DLGAP1: variants seen among roughly 807,000 people sequenced by gnomAD.
DLGAP1 encodes disks large-associated protein 1.
A neutral mutation model predicts 90.8 loss-of-function variants in DLGAP1; 11 were observed. The ratio of observed to expected loss-of-function variants is 0.12; its 90% CI spans 0.08 to 0.20. The LOEUF (loss-of-function observed/expected upper bound fraction) is 0.20, where lower values mean the gene tolerates loss of function less well. Among genes scored for constraint, DLGAP1 ranks in the 10% least tolerant of loss-of-function variants. The pLI is 1.00. For missense variants in DLGAP1, 1,050 were observed against 1,333.8 expected (o/e 0.79, Z 3.31); for synonymous variants, 558 against 540.7 (o/e 1.03, Z -0.44).
intron 10 of DLGAP1, among the ~76,000 whole-genome samples, chr18:3,528,564 A>T (rs1007812699): frequency 7.9e-5 from 12 of 152,310 alleles, no homozygotes; most frequent in African/African-American, 2.6e-4. Flanking sequence ...GTTTTCTGTG[A>T]CCTTGGACAA....
chr18:4,265,816 TAGCTGGGACCAC>T, intron 1 of DLGAP1, among the ~76,000 whole-genome samples: 1 of 151,708 alleles, frequency 6.6e-6, no homozygotes, highest in African/African-American at 2.4e-5. Flanking sequence ...GCCTTCTCAG[TAGCTGGGACCAC>T]AGGTGTGTGC....
At chr18:4,372,915 G>A (rs1035372964) in intron 1 of DLGAP1, among the ~76,000 whole-genome samples, 7 of 150,774 alleles carry the variant, frequency 4.6e-5, no homozygotes, top group Non-Finnish European at 8.9e-5. Flanking sequence ...GCCACAGAGC[G>A]AGACTCCATC....
intron 2 of DLGAP1, among the ~76,000 whole-genome samples, chr18:4,147,739 T>C (rs115370402): frequency 0.02 from 3,019 of 152,242 alleles, 50 homozygotes; most frequent in Middle Eastern, 0.048. Flanking sequence ...ATTAAGATGG[T>C]AACTGACCAG....
intron 3 of DLGAP1, among the ~76,000 whole-genome samples, chr18:3,932,175 C>T (rs968322168): frequency 2.0e-5 from 3 of 152,158 alleles, no homozygotes; most frequent in African/African-American, 7.2e-5. Context: ...ATGTCAATAT[C>T]CATTTGGGAA....
At chr18:4,058,066 G>C (rs1053177222) in intron 2 of DLGAP1, among the ~76,000 whole-genome samples, 3 of 152,160 alleles carry the variant, frequency 2.0e-5, no homozygotes, top group Non-Finnish European at 2.9e-5. Flanking sequence ...AGGCTTATGA[G>C]AGTAGTAGGG....
chr18:3,812,131 T>C (rs1414514914), intron 5 of DLGAP1, among the ~76,000 whole-genome samples: 3 of 152,206 alleles, frequency 2.0e-5, no homozygotes, highest in Non-Finnish European at 4.4e-5. Flanking sequence ...AATCCTTTTC[T>C]TGCATCTTCT....
At chr18:4,387,674 A>G (rs2082257607) in intron 1 of DLGAP1, among the ~76,000 whole-genome samples, 1 of 152,156 alleles carries the variant, frequency 6.6e-6, no homozygotes, top group Non-Finnish European at 1.5e-5. Flanking sequence ...AAGTTAAGTA[A>G]AGAAAGGCAC....
chr18:4,375,709 A>G (rs2082000896), intron 1 of DLGAP1, among the ~76,000 whole-genome samples: 1 of 152,182 alleles, frequency 6.6e-6, no homozygotes, highest in South Asian at 2.1e-4. Context: ...TGTACACACT[A>G]TGGCAGGGCT....
At chr18:3,656,388 G>A (rs1237525863) in intron 7 of DLGAP1, 5 of 411,600 alleles carry the variant, frequency 1.2e-5, no homozygotes, top group South Asian at 3.8e-5. Flanking sequence ...GGCCAAGTCT[G>A]CCTGAGTGAC....
chr18:3,741,023 CCACCACCACCACCATCACCT>C (rs2062912703), intron 6 of DLGAP1, among the ~76,000 whole-genome samples: 3 of 121,688 alleles, frequency 2.5e-5, no homozygotes, highest in South Asian at 2.9e-4. Flanking sequence ...ACCATCACCA[CCACCACCACCACCATCACCT>C]CACCACCACC....
intron 3 of DLGAP1, among the ~76,000 whole-genome samples, chr18:3,906,192 C>T (rs187144804): frequency 9.7e-4 from 147 of 152,260 alleles, no homozygotes; most frequent in Non-Finnish European, 1.7e-3. Flanking sequence ...AACTACATCT[C>T]GGAAGTTTAG....
chr18:4,128,064 A>G (rs2076256752), intron 2 of DLGAP1, among the ~76,000 whole-genome samples: 2 of 152,204 alleles, frequency 1.3e-5, no homozygotes, highest in African/African-American at 4.8e-5. Flanking sequence ...CAATAACAGC[A>G]CTAAGTTCAG....
At chr18:4,161,389 C>A (rs997826129) in intron 1 of DLGAP1, among the ~76,000 whole-genome samples, 4 of 152,116 alleles carry the variant, frequency 2.6e-5, no homozygotes, top group African/African-American at 9.7e-5. Flanking sequence ...TAATGCCTTC[C>A]AGCTCTATCC....
chr18:4,317,673 T>C (rs2080567171), intron 1 of DLGAP1, among the ~76,000 whole-genome samples: 1 of 152,206 alleles, frequency 6.6e-6, no homozygotes, highest in South Asian at 2.1e-4. Flanking sequence ...GTATCTCTTT[T>C]GTTTTCCTCT....
At chr18:3,501,073 C>G (rs1448074236) in intron 12 of DLGAP1, among the ~76,000 whole-genome samples, 2 of 151,978 alleles carry the variant, frequency 1.3e-5, no homozygotes, top group Non-Finnish European at 1.5e-5. Flanking sequence ...TACCACCACG[C>G]CCAGCTAATT....
chr18:4,115,730 C>T (rs1188490401), intron 2 of DLGAP1, among the ~76,000 whole-genome samples: 1 of 152,176 alleles, frequency 6.6e-6, no homozygotes, highest in Non-Finnish European at 1.5e-5. Flanking sequence ...TCCCAAAGTG[C>T]TGGGATTACA....
At chr18:4,396,009 A>T (rs181300030) in intron 1 of DLGAP1, among the ~76,000 whole-genome samples, 1 of 152,304 alleles carries the variant, frequency 6.6e-6, no homozygotes, top group Admixed American at 6.5e-5. Flanking sequence ...GAATACAAAC[A>T]TATGAAGGAG....
At chr18:4,204,800 C>T (rs553222615) in intron 1 of DLGAP1, among the ~76,000 whole-genome samples, 130 of 152,038 alleles carry the variant, frequency 8.6e-4, no homozygotes, top group African/African-American at 3.0e-3. Context: ...AAAGTCAATT[C>T]CTTTCCTTAA....
intron 2 of DLGAP1, among the ~76,000 whole-genome samples, chr18:4,036,640 T>C (rs2074893630): frequency 1.3e-5 from 2 of 152,206 alleles, no homozygotes; most frequent in Admixed American, 6.5e-5. Context: ...GATTGTCATA[T>C]TGACATGAAG....
Sources: allele counts gnomAD v4.1 joint callset (sites outside exome capture counted in the v4.1 genomes callset), GRCh38; gene constraint gnomAD v4.1.1; transcripts MANE v1.5; gene names NCBI Gene and HGNC (gene_info 2026-07-23, HGNC 2026-07-21).